PTPRR: variants seen among roughly 807,000 people sequenced by gnomAD.
The protein encoded by PTPRR is protein tyrosine phosphatase receptor type R.
A neutral mutation model predicts 77.2 loss-of-function variants in PTPRR; 38 were observed. The ratio of observed to expected loss-of-function variants is 0.49; its 90% CI spans 0.38 to 0.65. The LOEUF (loss-of-function observed/expected upper bound fraction) is 0.65. PTPRR is among the 30% of genes least tolerant of loss of function. The pLI, the probability that PTPRR is intolerant of heterozygous loss-of-function variation, is 0.00. For missense variants in PTPRR, 744 were observed against 799.2 expected (o/e 0.93, Z 0.83); for synonymous variants, 299 against 283.1 (o/e 1.06, Z -0.57).
intron 6 of PTPRR, among the ~76,000 whole-genome samples, chr12:70,732,037 C>A (rs982312787): frequency 5.9e-5 from 9 of 152,302 alleles, no homozygotes; most frequent in African/African-American, 2.2e-4. Flanking sequence ...AAAAGAGCTG[C>A]CTGGAAAAAC....
chr12:70,883,304 C>G (rs899148682), intron 2 of PTPRR, among the ~76,000 whole-genome samples: 5 of 152,006 alleles, frequency 3.3e-5, no homozygotes, highest in African/African-American at 9.7e-5. Flanking sequence ...AGACTTAAGT[C>G]ACATAAAAAT....
chr12:70,772,968 T>C (rs1000613478), intron 2 of PTPRR, among the ~76,000 whole-genome samples: 4 of 152,126 alleles, frequency 2.6e-5, no homozygotes, highest in African/African-American at 7.2e-5. Context: ...TGTTCCCTCT[T>C]AAATTTGTAG....
Position 70,867,071 on chromosome 12 carries a change from A to G in PTPRR, c.357+25608T>C, listed in dbSNP as rs1485551011. Among the ~76,000 whole-genome samples, 5 of 150,772 alleles carry G rather than the reference A, an allele frequency of 3.3e-5. No homozygotes were observed. The East Asian group carries it at 9.8e-4, about 30-fold the overall frequency. On this transcript the variant is annotated intron_variant, in intron 2 of 13. Transcript: ENST00000283228. ...AATAAGAGCTATCTATGACAAACCC[A>G]CAGCCAATATCATACTGAATGGGCA...
intron 6 of PTPRR, among the ~76,000 whole-genome samples, chr12:70,738,656 G>A (rs61932481): frequency 0.029 from 4,479 of 152,314 alleles, 90 homozygotes; most frequent in East Asian, 0.068. Flanking sequence ...ACTTTCTAGA[G>A]TTTGAATGTG....
intron 5 of PTPRR, among the ~76,000 whole-genome samples, chr12:70,749,165 A>G (rs1349908195): frequency 2.0e-5 from 3 of 152,168 alleles, no homozygotes; most frequent in Non-Finnish European, 2.9e-5. Context: ...AACAACAACA[A>G]CAACAACAAA....
chr12:70,881,961 C>G (rs1893156407), intron 2 of PTPRR, among the ~76,000 whole-genome samples: 1 of 152,152 alleles, frequency 6.6e-6, no homozygotes, highest in Non-Finnish European at 1.5e-5. Flanking sequence ...GTTTTCTCTT[C>G]TAAAGTATTG....
chr12:70,859,284 T>A (rs770461122), intron 2 of PTPRR, among the ~76,000 whole-genome samples: 2 of 152,062 alleles, frequency 1.3e-5, no homozygotes, highest in Non-Finnish European at 2.9e-5. Context: ...ACAATATCAG[T>A]ACTTGGGCTG....
At chr12:70,821,212 G>GTTTTTTTTTTTTTTTT (rs1252907478) in intron 2 of PTPRR, among the ~76,000 whole-genome samples, 1 of 44,550 alleles carries the variant, frequency 2.2e-5, no homozygotes. Flanking sequence ...AGGGATCACT[G>GTTTTTTTTTTTTTTTT]CTTTTTTTTT....
At chr12:70,761,907 T>C (rs1382105016) in intron 3 of PTPRR, among the ~76,000 whole-genome samples, 1 of 152,334 alleles carries the variant, frequency 6.6e-6, no homozygotes, top group Middle Eastern at 3.4e-3. Flanking sequence ...CCATTCCATA[T>C]TGTAATTTTT....
At chr12:70,829,031 T>C (rs1232388492) in intron 2 of PTPRR, among the ~76,000 whole-genome samples, 4 of 152,150 alleles carry the variant, frequency 2.6e-5, no homozygotes, top group African/African-American at 9.7e-5. Context: ...CCTATGAATA[T>C]AGTCCACAGA....
chr12:70,688,843 G>A (rs1887961111), intron 8 of PTPRR, among the ~76,000 whole-genome samples: 1 of 152,144 alleles, frequency 6.6e-6, no homozygotes, highest in Non-Finnish European at 1.5e-5. Context: ...ACATAATGGA[G>A]TTCTATCTGG....
chr12:70,892,792 T>C lies in PTPRR; in HGVS notation c.244A>G (p.Asn82Asp), dbSNP rs774044676. The change falls in exon 2 of 14, where the codon AAT becomes GAT. Residue 82 changes from asparagine to aspartate, a missense_variant. Asn to Asp is a conservative substitution (Grantham distance 23, BLOSUM62 1). This residue lies in a region of PTPRR where 570 missense variants were observed against 573.2 expected (regional missense o/e 0.99). Coordinates refer to ENST00000283228, the MANE Select transcript of PTPRR (RefSeq NM_002849.4). Reference protein sequence around the residue: ...AQVSKRHQIVNSAFPRPAYDP... With the variant: ...AQVSKRHQIVDSAFPRPAYDP... ...TATGCGGGTCTAGGAAATGCTGAAT[T>C]GACAATCTGGTGGCGTTTGCTTACT... is the stretch of plus-strand genomic sequence containing the variant. 6.2e-7 allele frequency: 1 copy of C among 1,613,572 alleles called. No individual in the cohort carries two copies. Among genetic ancestry groups the C allele is most frequent in the South Asian group, 1.1e-5 (1 of 91,082 alleles).
chr12:70,649,651 C>T (rs1886323453), intron 13 of PTPRR, among the ~76,000 whole-genome samples: 1 of 152,136 alleles, frequency 6.6e-6, no homozygotes, highest in South Asian at 2.1e-4. Context: ...AGTCGGCTCA[C>T]CACAACTCTG....
At chr12:70,811,338 G>C (rs1304703530) in intron 2 of PTPRR, among the ~76,000 whole-genome samples, 1 of 152,110 alleles carries the variant, frequency 6.6e-6, no homozygotes, top group Non-Finnish European at 1.5e-5. Flanking sequence ...GAAATTCTTT[G>C]GGCAGCTTTA....
chr12:70,674,736 A>G (rs909844529), intron 10 of PTPRR, among the ~76,000 whole-genome samples: 1 of 152,130 alleles, frequency 6.6e-6, no homozygotes, highest in African/African-American at 2.4e-5. Context: ...ATCTTTCTTA[A>G]ACTAAGCTTG....
intron 2 of PTPRR, among the ~76,000 whole-genome samples, chr12:70,786,577 G>A (rs1891325969): frequency 6.6e-6 from 1 of 152,138 alleles, no homozygotes; most frequent in Non-Finnish European, 1.5e-5. Flanking sequence ...CTTAAGCTCT[G>A]AAGGGGCACA....
chr12:70,813,403 C>CAA (rs71984516), intron 2 of PTPRR, among the ~76,000 whole-genome samples: 25,166 of 152,094 alleles, frequency 0.17, 2,846 homozygotes, highest in African/African-American at 0.32. Flanking sequence ...ACGTTTTTGA[C>CAA]AATAGAACTT....
At chr12:70,651,059 C>T (rs1031348403) in intron 13 of PTPRR, among the ~76,000 whole-genome samples, 4 of 152,176 alleles carry the variant, frequency 2.6e-5, no homozygotes, top group Non-Finnish European at 4.4e-5. Context: ...TGGTCCTGCC[C>T]ACAGTGTCCC....
chr12:70,649,411 T>C (rs1038434296), intron 13 of PTPRR, among the ~76,000 whole-genome samples: 6 of 152,170 alleles, frequency 3.9e-5, no homozygotes, highest in African/African-American at 7.2e-5. Flanking sequence ...GCAGCCTTCA[T>C]TGCTAGTGGT....
Sources: gnomAD v4.1 joint callset for allele counts (sites outside exome capture counted in the v4.1 genomes callset) on GRCh38, gnomAD v4.1.1 for gene constraint, gnomAD v4.1.1 regional missense constraint, MANE v1.5 for transcripts, NCBI Gene and HGNC (gene_info 2026-07-23, HGNC 2026-07-21) for gene names.